The following OLAH variants were observed in gnomAD, a reference collection of about 807,000 sequenced individuals.
OLAH encodes S-acyl fatty acid synthase thioesterase, medium chain.
In OLAH, 33 loss-of-function variants were observed where a neutral mutation model predicts 27.8. That is an observed-to-expected ratio of 1.19 (90% CI 0.90 to 1.59). The LOEUF is 1.59. OLAH is among the 40% of genes most tolerant of loss of function. OLAH has a pLI of 0.00. For synonymous variants in OLAH, 120 were observed against 102.9 expected (o/e 1.17, Z -1.01); for missense variants, 359 against 310.8 (o/e 1.16, Z -1.17).
rs1194240168 is a variant in OLAH at position 15,064,439 on chromosome 10, T to A, written c.339T>A (p.Gly113=). Residue 113 remains glycine (G), a synonymous_variant, in exon 5 of 8, where the codon GGT becomes GGA. Transcript: ENST00000378228. ...GSYIAFRTAL[G]LKENNQPEPL... ...ACATTGCTTTTAGGACTGCACTAGG[T>A]CTAAAAGAAAACAATCAACCAGAAC... 3 of 1,602,326 alleles carry A rather than the reference T, an allele frequency of 1.9e-6. No individual in the cohort carries two copies. Among genetic ancestry groups the A allele is most frequent in the Non-Finnish European group, 1.7e-6 (2 of 1,175,758 alleles).
At chr10:15,051,080 T>TA (rs1554813738) in intron 3 of OLAH, among the ~76,000 whole-genome samples, 29,892 of 87,372 alleles carry the variant, frequency 0.34, 3,228 homozygotes, top group East Asian at 0.54. Flanking sequence ...TTATTATTAT[T>TA]TTTTTTTTTT....
intron 6 of OLAH, among the ~76,000 whole-genome samples, chr10:15,067,361 T>C (rs1005399794): frequency 6.8e-6 from 1 of 146,076 alleles, no homozygotes; most frequent in African/African-American, 2.6e-5. Context: ...GGTCTGTGTC[T>C]CATCTCATCA....
chr10:15,040,119 C>T (rs1296751953), upstream of OLAH, among the ~76,000 whole-genome samples: 2 of 152,190 alleles, frequency 1.3e-5, no homozygotes. Flanking sequence ...ATGACAACTT[C>T]CAGTCCTGGG....
chr10:15,057,872 A>G (rs1236942065), intron 3 of OLAH, among the ~76,000 whole-genome samples: 1 of 152,178 alleles, frequency 6.6e-6, no homozygotes, highest in East Asian at 1.9e-4. Context: ...CCACCGATCT[A>G]TACGTCTATG....
chr10:15,036,994 G>A (rs969303939), intron 1 of OLAH, among the ~76,000 whole-genome samples: 21 of 151,554 alleles, frequency 1.4e-4, no homozygotes, highest in Middle Eastern at 3.2e-3. Context: ...CAGGAGAATC[G>A]CTTGAACCTG....
chr10:15,050,230 C>T (rs950197403), intron 3 of OLAH, among the ~76,000 whole-genome samples: 1 of 152,190 alleles, frequency 6.6e-6, no homozygotes, highest in Admixed American at 6.6e-5. Flanking sequence ...CCAGTCTGGG[C>T]AACACAGTGA....
At position 15,047,159 on chromosome 10, in the gene OLAH, A is replaced by C; in HGVS notation, c.-130A>C. 1 of 799,054 alleles carries C rather than the reference A, an allele frequency of 1.3e-6. No homozygotes were observed. The highest frequency in any genetic ancestry group is 1.9e-6 in the Non-Finnish European group (1 of 517,904). The allele number at this position is 799,054 out of a possible 1,614,324, so 49.5% of individuals were successfully genotyped here. A position where few individuals can be genotyped will look rare whatever the true frequency, so the allele number is the denominator to read the frequency against. On this transcript the variant is annotated 5_prime_UTR_variant, in exon 2 of 8. Transcript: ENST00000378228. The stretch of plus-strand genomic sequence containing the variant: ...GAGGTCAATAAGAGTCAGCGCCTTT[A>C]AAAAGAAATCTACTCACTCTTCTGT...
Position 15,049,710 on chromosome 10 carries a change from A to G in OLAH, c.108A>G (p.Gly36=). 1.2e-6 allele frequency: 2 copies of G among 1,610,880 alleles called. No homozygotes were observed. The highest frequency in any genetic ancestry group is 2.2e-5 in the South Asian group (2 of 90,178). The stretch of plus-strand genomic sequence containing the variant: ...AGCTGATTTGCTTTCCCTGGATGGG[A>G]GGTGGCTCCACTCATTTTGCCAAAT... ...TFKLICFPWM[G]GGSTHFAKWG... is the part of the protein sequence containing the mutation. The change falls in exon 3 of 8, where the codon GGA becomes GGG. Residue 36 remains glycine (G), a synonymous_variant. Coordinates refer to ENST00000378228, the MANE Select transcript of OLAH (RefSeq NM_001039702.3).
At chr10:15,038,864 CA>C (rs1224616072) in intron 1 of OLAH, among the ~76,000 whole-genome samples, 3 of 152,168 alleles carry the variant, frequency 2.0e-5, no homozygotes, top group Non-Finnish European at 4.4e-5. Flanking sequence ...ATGGATCAGT[CA>C]TTTGGGCTGT....
rs543467301 is a variant in OLAH at position 15,035,882 on chromosome 10, T to C, written c.-164+3532T>C. ...GGTTTTGTAGCCTGACACTCTCCACTGTCTCCTTTCATTGCTCATGTTCTC... is the reference window on the plus strand; with the variant it reads ...GGTTTTGTAGCCTGACACTCTCCACCGTCTCCTTTCATTGCTCATGTTCTC... On this transcript the variant is annotated intron_variant, in intron 1 of 3. Coordinates refer to the OLAH transcript ENST00000413672. 9.5e-4 allele frequency among the ~76,000 whole-genome samples: 144 copies of C among 152,290 alleles called. 1 individual carries two copies. The highest frequency in any genetic ancestry group is 2.6e-3 in the African/African-American group (110 of 41,570).
chr10:15,038,677 T>A (rs977562905), intron 1 of OLAH: 1 of 152,376 alleles, frequency 6.6e-6, no homozygotes, highest in African/African-American at 2.4e-5. Context: ...CCCAGCTATG[T>A]GGCACTGTAA....
intron 6 of OLAH, among the ~76,000 whole-genome samples, chr10:15,070,468 TTTG>T (rs1206850794): frequency 6.6e-6 from 1 of 152,138 alleles, no homozygotes; most frequent in Non-Finnish European, 1.5e-5. Context: ...AATAGCCTTT[TTTG>T]TTGTTGTTGT....
At chr10:15,070,761 G>A (rs1008691200) in intron 6 of OLAH, among the ~76,000 whole-genome samples, 8 of 148,412 alleles carry the variant, frequency 5.4e-5, no homozygotes, top group East Asian at 2.0e-4. Context: ...GATTACAGGC[G>A]TAAGCCACCA....
intron 4 of OLAH, among the ~76,000 whole-genome samples, chr10:15,063,435 G>A (rs1384512458): frequency 6.6e-6 from 1 of 152,182 alleles, no homozygotes; most frequent in Non-Finnish European, 1.5e-5. Flanking sequence ...CCAGCCTGTA[G>A]AAGTTGTTGC....
rs758955580 is a variant in OLAH at position 15,047,288 on chromosome 10, C to A, written c.-1C>A. The A allele has an allele frequency of 1.2e-6, 2 of 1,613,402 alleles. No individual in the cohort carries two copies. The highest frequency in any genetic ancestry group is 2.2e-5 in the South Asian group (2 of 90,900). ...GCCATCTTGCAACCTCACCTCACAG[C>A]ATGGAGAGAGGAGACCAACCTAAGA... On this transcript the variant is annotated 5_prime_UTR_variant, in exon 2 of 8. Coordinates refer to ENST00000378228, the MANE Select transcript of OLAH (RefSeq NM_001039702.3).
chr10:15,038,191 A>T (rs1489916153), intron 1 of OLAH, among the ~76,000 whole-genome samples: 3 of 152,180 alleles, frequency 2.0e-5, no homozygotes, highest in Non-Finnish European at 4.4e-5. Flanking sequence ...GTATTTACCC[A>T]ATGCCTGTAC....
At chr10:15,072,667 A>C (rs1042088386) in intron 7 of OLAH, among the ~76,000 whole-genome samples, 1 of 151,108 alleles carries the variant, frequency 6.6e-6, no homozygotes, top group Non-Finnish European at 1.5e-5. Flanking sequence ...GTAGGGTTGG[A>C]ATGTCTCTGG....
At chr10:15,043,465 G>T (rs1419982501), upstream of OLAH, among the ~76,000 whole-genome samples, 1 of 149,246 alleles carries the variant, frequency 6.7e-6, no homozygotes, top group African/African-American at 2.5e-5. Context: ...CCTTCCAGTG[G>T]ATTCTCTTCT....
intron 3 of OLAH, among the ~76,000 whole-genome samples, chr10:15,059,789 G>C (rs549920534): frequency 9.2e-5 from 14 of 152,164 alleles, no homozygotes; most frequent in Non-Finnish European, 4.4e-5. Flanking sequence ...CTGAGAAAGA[G>C]TGCAAGACTC....
Sources: gnomAD v4.1 joint callset for allele counts (sites outside exome capture counted in the v4.1 genomes callset) on GRCh38, gnomAD v4.1.1 for gene constraint, MANE v1.5 for transcripts, NCBI Gene and HGNC (gene_info 2026-07-23, HGNC 2026-07-21) for gene names.